Variants in SLC22A15 observed in about 807,000 individuals in gnomAD.
SLC22A15 encodes the protein solute carrier family 22 member 15.
In SLC22A15, 45 loss-of-function variants were observed where a neutral mutation model predicts 62.7. That is an observed-to-expected ratio of 0.72 (90% confidence interval 0.56 to 0.92). The LOEUF (loss-of-function observed/expected upper bound fraction) is 0.92, where lower values mean the gene tolerates loss of function less well. Among genes scored for constraint, SLC22A15 ranks in the 40% least tolerant of loss-of-function variants. The pLI is 0.00. For synonymous variants in SLC22A15, 264 were observed against 267.0 expected (o/e 0.99, Z 0.11); for missense variants, 622 against 665.6 (o/e 0.93, Z 0.72).
At position 116,031,577 on chromosome 1, in the gene SLC22A15, A is replaced by C; in HGVS notation, c.940A>C (p.Ile314Leu). 6.2e-7 allele frequency: 1 copy of C among 1,613,608 alleles called. No homozygotes were observed. The highest frequency in any genetic ancestry group is 1.1e-5 in the South Asian group (1 of 91,054). The part of the protein sequence containing the change: ...LLGHTLILMF[I>L]WFVCSLVYYG... ...AGGACACACTTTGATCCTGATGTTC[A>C]TCTGGTAATTATACTAAGGCGTGTT... Residue 314 changes from isoleucine (I) to leucine (L), a missense_variant, in exon 6 of 12, where the codon ATC (isoleucine) becomes CTC (leucine). Ile to Leu is a conservative substitution (Grantham distance 5, BLOSUM62 2). Coordinates refer to ENST00000369503, the MANE Select transcript of SLC22A15 (RefSeq NM_018420.3).
intron 4 of SLC22A15, among the ~76,000 whole-genome samples, chr1:116,025,421 A>T (rs1657039733): frequency 6.6e-6 from 1 of 152,204 alleles, no homozygotes; most frequent in Non-Finnish European, 1.5e-5. Context: ...TATTCTGAAC[A>T]TGCTGTCACA....
At chr1:116,052,800 C>A (rs1370411541) in intron 8 of SLC22A15, among the ~76,000 whole-genome samples, 1 of 152,206 alleles carries the variant, frequency 6.6e-6, no homozygotes, top group Non-Finnish European at 1.5e-5. Context: ...CAAACAGGGT[C>A]TGGAGTGGAC....
intron 8 of SLC22A15, among the ~76,000 whole-genome samples, chr1:116,061,619 A>T (rs549089728): frequency 6.6e-6 from 1 of 152,170 alleles, no homozygotes; most frequent in East Asian, 1.9e-4. Flanking sequence ...TTTGCCTCAT[A>T]AGAAGTAAAT....
chr1:116,004,443 T>G (rs1213302131), intron 2 of SLC22A15, among the ~76,000 whole-genome samples: 1 of 152,228 alleles, frequency 6.6e-6, no homozygotes, highest in East Asian at 1.9e-4. Flanking sequence ...ATACTTTTTC[T>G]ACATCAATTG....
rs1221221684 is a variant in SLC22A15, at chr1:116,067,083, A to C, written c.1619A>C (p.Asp540Ala). The change falls in exon 12 of 12, where the codon GAT becomes GCT. Residue 540 changes from aspartate to alanine, a missense_variant. Asp to Ala is a moderately radical substitution (Grantham distance 126, BLOSUM62 -2). Coordinates refer to ENST00000369503, the MANE Select transcript of SLC22A15 (RefSeq NM_018420.3). Reference sequence around the variant, plus strand: ...GAAGAGGAAGAATTTTATGATGCAGATGAAGAGACTCAGATGATCAAGTGA... The same window carrying C: ...GAAGAGGAAGAATTTTATGATGCAGCTGAAGAGACTCAGATGATCAAGTGA... Reference protein sequence around the residue: ...SEEEEEFYDADEETQMIK With the variant: ...SEEEEEFYDAAEETQMIK 3.6e-5 allele frequency: 58 copies of C among 1,612,046 alleles called. No homozygotes were observed. The Admixed American group carries it at 4.5e-4, about 13-fold the overall frequency.
intron 2 of SLC22A15, among the ~76,000 whole-genome samples, chr1:115,994,977 A>C (rs545734436): frequency 5.0e-4 from 76 of 151,970 alleles, no homozygotes; most frequent in African/African-American, 1.7e-3. Context: ...TTTGACCTTC[A>C]GCCTTTTTTT....
At chr1:115,978,850 GA>G (rs1654456199) in intron 1 of SLC22A15, among the ~76,000 whole-genome samples, 1 of 152,156 alleles carries the variant, frequency 6.6e-6, no homozygotes, top group Admixed American at 6.5e-5. Flanking sequence ...AGCAGAGTAA[GA>G]AGCCCTTTTT....
chr1:116,020,834 G>T lies in SLC22A15; in HGVS notation c.547G>T (p.Ala183Ser), dbSNP rs1299016174. Residue 183 changes from alanine (A) to serine (S), a missense_variant, in exon 4 of 12, where the codon GCC becomes TCC. By Grantham distance (99) the Ala-to-Ser change is moderately conservative (BLOSUM62 1). Transcript: ENST00000369503. ...GATGAATGGAGGGATGTCGCTGGTG[G>T]CCTTTGTCTTGCTTAATGAATGTGT... ...GMMNGGMSLV[A>S]FVLLNECVGT... 1 of 1,613,684 alleles carries T rather than the reference G, an allele frequency of 6.2e-7. No homozygotes were observed. The highest frequency in any genetic ancestry group is 8.5e-7 in the Non-Finnish European group (1 of 1,179,718).
chr1:115,996,330 AT>A (rs1655423464), intron 2 of SLC22A15, among the ~76,000 whole-genome samples: 1 of 152,182 alleles, frequency 6.6e-6, no homozygotes, highest in South Asian at 2.1e-4. Flanking sequence ...TTTTAGAATA[AT>A]TTTGTATATA....
At chr1:116,024,817 G>A (rs557421190) in intron 4 of SLC22A15, among the ~76,000 whole-genome samples, 105 of 152,194 alleles carry the variant, frequency 6.9e-4, no homozygotes, top group Middle Eastern at 6.8e-3. Flanking sequence ...GCCTCTGATC[G>A]GCTCAGCTGA....
rs542045800 is a variant in SLC22A15, at chr1:116,038,224, G to A, written c.1171+836G>A. On this transcript the variant is annotated intron_variant, in intron 8 of 11. Coordinates refer to ENST00000369503, the MANE Select transcript of SLC22A15 (RefSeq NM_018420.3). Reference sequence around the variant, plus strand: ...GATTTTGATAGGGTTCTGTTATGGAGCTTGCACTCCAGTAGGCAATCATTG... The same window carrying A: ...GATTTTGATAGGGTTCTGTTATGGAACTTGCACTCCAGTAGGCAATCATTG... Among the ~76,000 whole-genome samples, 8 of 152,278 alleles carry A rather than the reference G, an allele frequency of 5.3e-5. No individual in the cohort carries two copies. In the East Asian group the frequency reaches 1.2e-3, roughly 22 times the overall value.
intron 2 of SLC22A15, among the ~76,000 whole-genome samples, chr1:116,006,835 G>C (rs1656007950): frequency 6.6e-6 from 1 of 151,668 alleles, no homozygotes; most frequent in Admixed American, 6.6e-5. Context: ...TTCACTCTCT[G>C]TCTTGCCTTT....
At chr1:116,003,621 A>T (rs1655841368) in intron 2 of SLC22A15, among the ~76,000 whole-genome samples, 1 of 152,122 alleles carries the variant, frequency 6.6e-6, no homozygotes, top group African/African-American at 2.4e-5. Context: ...TCCAATGCAA[A>T]GTTCCATTAT....
chr1:116,058,844 C>T (rs1164552067), intron 8 of SLC22A15, among the ~76,000 whole-genome samples: 1 of 152,138 alleles, frequency 6.6e-6, no homozygotes, highest in Non-Finnish European at 1.5e-5. Context: ...GACTATTATT[C>T]TAAGTGAAGT....
chr1:116,024,742 T>C (rs1442966281), intron 4 of SLC22A15, among the ~76,000 whole-genome samples: 2 of 152,160 alleles, frequency 1.3e-5, no homozygotes, highest in Admixed American at 1.3e-4. Context: ...TCTGAGAAGC[T>C]TCCTCTGCAT....
At chr1:116,057,664 C>A (rs1469645143) in intron 8 of SLC22A15, among the ~76,000 whole-genome samples, 1 of 152,146 alleles carries the variant, frequency 6.6e-6, no homozygotes, top group Non-Finnish European at 1.5e-5. Context: ...ACCCAAATAT[C>A]CAACAACGAT....
rs200010212 is a variant in SLC22A15 at position 116,062,353 on chromosome 1, T to TA, written c.1172-408dup. Among the ~76,000 whole-genome samples, 759 of 152,330 alleles carry TA rather than the reference T, an allele frequency of 5.0e-3. 4 individuals are homozygous for TA. Among genetic ancestry groups the TA allele is most frequent in the African/African-American group, 0.017 (717 of 41,582 alleles). Reference sequence around the variant, plus strand: ...GGAGCTTACCTCTGTCTCATGTACTTATCAGGGCTTGTTGTGCAGACCACT... The same window carrying TA: ...GGAGCTTACCTCTGTCTCATGTACTTAATCAGGGCTTGTTGTGCAGACCACT... On this transcript the variant is annotated intron_variant, in intron 8 of 11. Coordinates refer to ENST00000369503, the MANE Select transcript of SLC22A15 (RefSeq NM_018420.3).
chr1:116,047,898 T>A (rs991408221), intron 8 of SLC22A15, among the ~76,000 whole-genome samples: 21 of 152,064 alleles, frequency 1.4e-4, no homozygotes, highest in African/African-American at 4.8e-4. Flanking sequence ...AGTGAAAACT[T>A]CAGGAAACAT....
chr1:116,044,216 G>A (rs964716063), intron 8 of SLC22A15, among the ~76,000 whole-genome samples: 13 of 152,160 alleles, frequency 8.5e-5, no homozygotes, highest in Admixed American at 4.6e-4. Flanking sequence ...CAAAATATTA[G>A]CAAATTGAGT....
Sources: allele counts gnomAD v4.1 joint callset (sites outside exome capture counted in the v4.1 genomes callset), GRCh38; gene constraint gnomAD v4.1.1; transcripts MANE v1.5; gene names NCBI Gene and HGNC (gene_info 2026-07-23, HGNC 2026-07-21).